EIF4E: variants seen among roughly 807,000 people sequenced by gnomAD.
The protein encoded by EIF4E is eIF-4F 25 kDa subunit.
For synonymous variants in EIF4E, 71 were observed against 88.5 expected (o/e 0.80, Z 1.11); for missense variants, 113 against 265.6 (o/e 0.43, Z 3.99).
rs1193304332 is a variant in EIF4E at position 98,879,394 on chromosome 4, TCTG to T, written c.*1631_*1633del. The T allele has an allele frequency of 6.6e-6, 1 of 152,138 alleles. No individual in the cohort carries two copies. The highest frequency in any genetic ancestry group is 2.4e-5 in the African/African-American group (1 of 41,420). 9.4% of individuals were successfully genotyped at this position (152,138 alleles called of 1,614,324 possible). A position where few individuals can be genotyped will look rare whatever the true frequency, so the allele number is the denominator to read the frequency against. ...TTCCTCTCAAAATAATAATTTCCAT[TCTG>T]CTACCTACAGTTTGGCTTATCCTTT... On this transcript the variant is annotated 3_prime_UTR_variant, in exon 7 of 7. Transcript: ENST00000450253.
chr4:98,895,214 A>G (rs929838004), intron 2 of EIF4E: 6 of 152,262 alleles, frequency 3.9e-5, no homozygotes, highest in South Asian at 2.1e-4. Flanking sequence ...AAGTGAGCAC[A>G]TGCCATTGGA....
At chr4:98,924,084 T>TA (rs1427214171) in intron 1 of EIF4E, among the ~76,000 whole-genome samples, 4 of 151,496 alleles carry the variant, frequency 2.6e-5, no homozygotes, top group Admixed American at 2.6e-4. Flanking sequence ...TTTGTTTATT[T>TA]TTTTTTTTTT....
At chr4:98,901,200 CTTT>C (rs559776648) in intron 2 of EIF4E, among the ~76,000 whole-genome samples, 1 of 142,838 alleles carries the variant, frequency 7.0e-6, no homozygotes. Context: ...ACCACTGTCT[CTTT>C]TTTTTTTTTT....
At chr4:98,896,765 T>C (rs1724428066) in intron 2 of EIF4E, among the ~76,000 whole-genome samples, 1 of 147,952 alleles carries the variant, frequency 6.8e-6, no homozygotes, top group South Asian at 2.1e-4. Flanking sequence ...ATTGCTTGAG[T>C]CTACGAGTTC....
chr4:98,914,074 A>G (rs1194497371), intron 1 of EIF4E, among the ~76,000 whole-genome samples: 1 of 151,822 alleles, frequency 6.6e-6, no homozygotes, highest in Non-Finnish European at 1.5e-5. Flanking sequence ...TAAAAAAAAA[A>G]AAAGGCCAGG....
At chr4:98,902,685 C>T (rs1028291545) in intron 1 of EIF4E, among the ~76,000 whole-genome samples, 3 of 152,012 alleles carry the variant, frequency 2.0e-5, no homozygotes, top group Non-Finnish European at 4.4e-5. Context: ...AGGATGGAAA[C>T]TAAAGTTTCA....
chr4:98,920,713 T>G (rs1301752107), intron 1 of EIF4E, among the ~76,000 whole-genome samples: 1 of 152,146 alleles, frequency 6.6e-6, no homozygotes, highest in Non-Finnish European at 1.5e-5. Context: ...CTAAATACCA[T>G]GATGTATAAA....
rs1206793206 is a variant in EIF4E, at chr4:98,923,207, A to AC, written c.18+5887_18+5888insG. ...TCAAAAGTTCCAACTGGGGAAACAA[A>AC]AAAAAAAAAACCCCTTATATTTCTG... On this transcript the variant is annotated intron_variant, in intron 1 of 6. Transcript: ENST00000450253. Among the ~76,000 whole-genome samples, 14 of 151,644 alleles carry AC rather than the reference A, an allele frequency of 9.2e-5. No homozygotes were observed. The South Asian group carries it at 2.1e-3, about 22-fold the overall frequency.
intron 6 of EIF4E, among the ~76,000 whole-genome samples, chr4:98,884,225 AATT>A (rs969446221): frequency 1.3e-5 from 2 of 152,156 alleles, no homozygotes; most frequent in African/African-American, 4.8e-5. Context: ...ATAATCACTG[AATT>A]ATTATTATGA....
intron 6 of EIF4E, among the ~76,000 whole-genome samples, chr4:98,881,592 T>C (rs925134353): frequency 2.1e-5 from 3 of 139,812 alleles, no homozygotes; most frequent in Non-Finnish European, 4.7e-5. Flanking sequence ...TGTTTCATTC[T>C]TTGATCTAAA....
chr4:98,916,086 G>A (rs938382633), intron 1 of EIF4E, among the ~76,000 whole-genome samples: 54 of 151,774 alleles, frequency 3.6e-4, no homozygotes, highest in Admixed American at 1.1e-3. Flanking sequence ...AGCTACTCGA[G>A]AGGCTGAGGT....
chr4:98,886,549 G>A, intron 5 of EIF4E: 1 of 410,562 alleles, frequency 2.4e-6, no homozygotes, highest in Middle Eastern at 8.3e-4. Flanking sequence ...TCCCATCTCT[G>A]GAAAAAAATT....
At chr4:98,911,723 A>G (rs1474078619) in intron 1 of EIF4E, among the ~76,000 whole-genome samples, 1 of 150,838 alleles carries the variant, frequency 6.6e-6, no homozygotes, top group South Asian at 2.1e-4. Flanking sequence ...TTTAAAATAA[A>G]TTTTTTTAAA....
chr4:98,892,681 CAA>C (rs72248242), intron 2 of EIF4E, among the ~76,000 whole-genome samples: 61,170 of 113,874 alleles, frequency 0.54, 13,866 homozygotes, highest in East Asian at 0.7. Flanking sequence ...AACTCTGTCT[CAA>C]AAAAAAAAAA....
intron 2 of EIF4E, among the ~76,000 whole-genome samples, chr4:98,900,242 ATACATGTGG>A (rs1421884262): frequency 6.6e-6 from 1 of 152,174 alleles, no homozygotes; most frequent in African/African-American, 2.4e-5. Context: ...GTTCAACCTA[ATACATGTGG>A]TACATTGCTT....
intron 3 of EIF4E, 95 bp downstream of exon 3, chr4:98,891,142 T>C (rs1724126197): frequency 1.5e-6 from 2 of 1,332,276 alleles, no homozygotes; most frequent in South Asian, 1.2e-5. Flanking sequence ...TCATTAACTG[T>C]TTAACTCACA....
chr4:98,915,698 G>C (rs944774534), intron 1 of EIF4E, among the ~76,000 whole-genome samples: 4 of 151,538 alleles, frequency 2.6e-5, no homozygotes, highest in African/African-American at 9.7e-5. Flanking sequence ...CCGCCACCAT[G>C]CCCAGCTAAT....
intron 6 of EIF4E, among the ~76,000 whole-genome samples, chr4:98,884,718 A>C (rs1723843631): frequency 6.6e-6 from 1 of 151,296 alleles, no homozygotes; most frequent in African/African-American, 2.5e-5. Context: ...TAAATAAATA[A>C]ATAAATAAAT....
At chr4:98,891,388 A>G in intron 2 of EIF4E, 56 bp from the exon 3 acceptor site, 1 of 1,504,616 alleles carries the variant, frequency 6.6e-7, no homozygotes, top group East Asian at 2.3e-5. Flanking sequence ...TGTTAAAAGC[A>G]ACATTATTCA....
Sources: gnomAD v4.1 joint callset for allele counts (sites outside exome capture counted in the v4.1 genomes callset) on GRCh38, gnomAD v4.1.1 for gene constraint, MANE v1.5 for transcripts, NCBI Gene and HGNC (gene_info 2026-07-23, HGNC 2026-07-21) for gene names.